The following HECW1 variants were observed in gnomAD, a reference collection of about 807,000 sequenced individuals.
HECW1 encodes the protein E3 ubiquitin-protein ligase HECW1.
A neutral mutation model predicts 182.3 loss-of-function variants in HECW1; 61 were observed. That is an observed-to-expected ratio of 0.33 (90% CI 0.27 to 0.41). The LOEUF is 0.41. Among genes scored for constraint, HECW1 ranks in the 10% least tolerant of loss-of-function variants. The probability of loss-of-function intolerance (pLI) is 1.00; values close to 1 mark genes in which losing one functional copy is unlikely to be tolerated. For missense variants in HECW1, 1,739 were observed against 2,108.9 expected, an observed-to-expected ratio of 0.82 and a Z score of 3.44; for synonymous variants, 859 against 832.6, an observed-to-expected ratio of 1.03 and a Z score of -0.55.
intron 5 of HECW1, among the ~76,000 whole-genome samples, chr7:43,322,794 G>C (rs181200813): frequency 6.6e-6 from 1 of 152,152 alleles, no homozygotes; most frequent in South Asian, 2.1e-4. Context: ...ACCTACAATG[G>C]AAGTTTGGTA....
intron 2 of HECW1, among the ~76,000 whole-genome samples, chr7:43,169,685 CTTTTCT>C (rs1045763172): frequency 1.5e-5 from 2 of 131,686 alleles, no homozygotes; most frequent in African/African-American, 5.8e-5. Context: ...ATCTTTTTTT[CTTTTCT>C]TTTTTTTTTT....
intron 2 of HECW1, among the ~76,000 whole-genome samples, chr7:43,230,624 G>T (rs191196404): frequency 3.9e-5 from 6 of 152,216 alleles, no homozygotes; most frequent in Admixed American, 3.9e-4. Context: ...CCTGTTTTTA[G>T]GAAATATGCA....
intron 2 of HECW1, among the ~76,000 whole-genome samples, chr7:43,197,889 C>G (rs1011610917): frequency 1.3e-5 from 2 of 152,064 alleles, no homozygotes; most frequent in Admixed American, 6.6e-5. Context: ...GGCGTTGGTT[C>G]ACAGGCCCCT....
At chr7:43,414,898 G>A (rs2152851811) in intron 8 of HECW1, among the ~76,000 whole-genome samples, 1 of 152,116 alleles carries the variant, frequency 6.6e-6, no homozygotes, top group East Asian at 1.9e-4. Context: ...GTTCATCAAG[G>A]ATATTGGTCT....
chr7:43,541,754 C>T, intron 25 of HECW1, 115 bp from the exon 26 acceptor site: 2 of 954,494 alleles, frequency 2.1e-6, no homozygotes, highest in East Asian at 2.9e-5. Context: ...CAAAAGTATC[C>T]AATTGTTAGG....
At chr7:43,160,988 T>TC (rs1790468598) in intron 2 of HECW1, among the ~76,000 whole-genome samples, 1 of 152,258 alleles carries the variant, frequency 6.6e-6, no homozygotes, top group Admixed American at 6.5e-5. Flanking sequence ...GTTTTTTTTT[T>TC]CTCCTTCTAA....
intron 5 of HECW1, among the ~76,000 whole-genome samples, chr7:43,328,591 A>T (rs1468454345): frequency 1.3e-5 from 2 of 152,224 alleles, no homozygotes. Context: ...ACTTCTCAGC[A>T]CATCAAGGAT....
chr7:43,361,815 C>CTTTTT (rs397890047), intron 6 of HECW1, among the ~76,000 whole-genome samples: 2 of 77,964 alleles, frequency 2.6e-5, no homozygotes, highest in African/African-American at 5.5e-5. Flanking sequence ...AAGACTCTCT[C>CTTTTT]TTTTTTTTTT....
chr7:43,412,342 A>T (rs1204921317), intron 8 of HECW1, among the ~76,000 whole-genome samples: 3 of 151,964 alleles, frequency 2.0e-5, no homozygotes, highest in African/African-American at 7.2e-5. Context: ...CTTTAAGTGG[A>T]TGTGTATTTT....
intron 16 of HECW1, among the ~76,000 whole-genome samples, chr7:43,472,107 A>G (rs1249756926): frequency 6.6e-6 from 1 of 152,188 alleles, no homozygotes; most frequent in African/African-American, 2.4e-5. Context: ...AGGTAATAAT[A>G]GCATAGGGAT....
At chr7:43,302,793 C>T (rs1263040884) in intron 3 of HECW1, among the ~76,000 whole-genome samples, 2 of 152,190 alleles carry the variant, frequency 1.3e-5, no homozygotes, top group Admixed American at 1.3e-4. Flanking sequence ...AACTTTTCCA[C>T]TTTCAATCAG....
intron 3 of HECW1, among the ~76,000 whole-genome samples, chr7:43,289,263 C>T (rs1012760052): frequency 2.2e-4 from 34 of 152,230 alleles, no homozygotes; most frequent in African/African-American, 7.7e-4. Context: ...TGTGCCACCA[C>T]GCCCAGCTAA....
intron 6 of HECW1, among the ~76,000 whole-genome samples, chr7:43,375,100 A>C (rs1176968298): frequency 6.6e-6 from 1 of 152,214 alleles, no homozygotes; most frequent in Non-Finnish European, 1.5e-5. Context: ...ATTTCCTAAA[A>C]TTTCCTTCAG....
intron 6 of HECW1, among the ~76,000 whole-genome samples, chr7:43,361,778 G>A (rs1042860228): frequency 3.3e-5 from 5 of 149,458 alleles, no homozygotes; most frequent in African/African-American, 9.9e-5. Flanking sequence ...ACCAGTGGAG[G>A]ACTTTGTCAT....
chr7:43,358,284 A>G (rs1268924822), intron 5 of HECW1, among the ~76,000 whole-genome samples: 1 of 152,202 alleles, frequency 6.6e-6, no homozygotes, highest in Admixed American at 6.5e-5. Flanking sequence ...TCCCTGACTT[A>G]TGGGAAACTT....
At position 43,444,913 on chromosome 7, in the gene HECW1, G is replaced by A; in HGVS notation, c.1741G>A (p.Glu581Lys). ...CGCCCAGGGCGGCAGCGCGGCAGAG[G>A]AGGAGGACGGCGCGGAGGAGGAGTC... The part of the protein sequence containing the change: ...PSAQGGSAAE[E>K]EDGAEEESTL... The change falls in exon 11 of 30, where the codon GAG becomes AAG. Residue 581 changes from glutamate (E) to lysine (K), a missense_variant. Around this residue, in one of 5 missense-constraint regions of HECW1, gnomAD observed 971 missense variants for 1,029.1 expected, o/e 0.94. Transcript: ENST00000395891. This position sits in a 1 kb window ranked among gnomAD's most constrained non-coding sequence, Gnocchi z 4.3. 6.3e-7 allele frequency: 1 copy of A among 1,599,814 alleles called. No homozygotes were observed. The highest frequency in any genetic ancestry group is 8.5e-7 in the Non-Finnish European group (1 of 1,171,986).
At chr7:43,261,649 G>A (rs1801193296) in intron 3 of HECW1, among the ~76,000 whole-genome samples, 1 of 152,054 alleles carries the variant, frequency 6.6e-6, no homozygotes, top group African/African-American at 2.4e-5. Flanking sequence ...ACACCAGCAG[G>A]GGACAAACTG....
intron 6 of HECW1, among the ~76,000 whole-genome samples, chr7:43,369,601 T>C (rs1187899828): frequency 6.6e-6 from 1 of 152,224 alleles, no homozygotes; most frequent in East Asian, 1.9e-4. Flanking sequence ...CCTAGGCATT[T>C]ACTACCTGAC....
chr7:43,153,305 T>C (rs1001750689), intron 2 of HECW1, among the ~76,000 whole-genome samples: 2 of 152,186 alleles, frequency 1.3e-5, no homozygotes, highest in African/African-American at 4.8e-5. Flanking sequence ...CTGGTCAGCA[T>C]TGGAAAAAGA....
Sources: allele counts gnomAD v4.1 joint callset (sites outside exome capture counted in the v4.1 genomes callset), GRCh38; gene constraint gnomAD v4.1.1; regional missense constraint gnomAD v4.1.1; non-coding constraint Gnocchi (gnomAD v3.1); transcripts MANE v1.5; gene names NCBI Gene and HGNC (gene_info 2026-07-23, HGNC 2026-07-21).